Variants in CYP4F22 observed in about 807,000 individuals in gnomAD.
CYP4F22 encodes cytochrome P450 family 4 subfamily F member 22.
Under a neutral mutation model 60.4 loss-of-function variants are expected in CYP4F22, and 37 were observed. The ratio of observed to expected loss-of-function variants is 0.61; its 90% CI spans 0.47 to 0.81. The LOEUF (loss-of-function observed/expected upper bound fraction) is 0.81. Among genes scored for constraint, CYP4F22 ranks in the 30% least tolerant of loss-of-function variants. The pLI, the probability that CYP4F22 is intolerant of heterozygous loss-of-function variation, is 0.00. For missense variants in CYP4F22, 655 were observed against 715.0 expected (o/e 0.92, Z 0.96); for synonymous variants, 258 against 280.5 (o/e 0.92, Z 0.80).
chr19:15,508,627 G>A (rs903784266), intron 1 of CYP4F22, 44 bp downstream of exon 1: 3 of 150,996 alleles, frequency 2.0e-5, no homozygotes, highest in Admixed American at 6.6e-5. Flanking sequence ...GCGCGGCCGC[G>A]GCGCTGCGCT....
At position 15,546,245 on chromosome 19, in the gene CYP4F22, G is replaced by A. The variant is rs543436336; in HGVS notation, c.1137-1863G>A. ...CTTACTTTGGCCTCCCAAAGTGCTG[G>A]GATTATAGGTGTGAGCCACTGTGCC... On this transcript the variant is annotated intron_variant, in intron 10 of 13. Transcript: ENST00000269703. Among the ~76,000 whole-genome samples, 7 of 152,186 alleles carry A rather than the reference G, an allele frequency of 4.6e-5. No individual in the cohort carries two copies. In the South Asian group the frequency reaches 1.5e-3, roughly 32 times the overall value.
In CYP4F22 at chr19:15,537,534, G is replaced by A; in HGVS notation, c.422-1G>A. The A allele has an allele frequency of 6.2e-7, 1 of 1,614,150 alleles. No homozygotes were observed. The highest frequency in any genetic ancestry group is 8.5e-7 in the Non-Finnish European group (1 of 1,180,040). On this transcript the variant is annotated splice_acceptor_variant, in intron 5 of 13. Coordinates refer to ENST00000269703, the MANE Select transcript of CYP4F22 (RefSeq NM_173483.4). LOFTEE classifies it high-confidence loss of function. ...CCCTAACCTCAGTCTTCTGGGCCCAGGGGATGGGCTGCTGCTCAGCAAAGG... is the reference window on the plus strand; with the variant it reads ...CCCTAACCTCAGTCTTCTGGGCCCAAGGGATGGGCTGCTGCTCAGCAAAGG...
At chr19:15,538,206 T>C (rs1290492059) in intron 7 of CYP4F22, among the ~76,000 whole-genome samples, 1 of 152,086 alleles carries the variant, frequency 6.6e-6, no homozygotes, top group Non-Finnish European at 1.5e-5. Context: ...CCCATAGTCA[T>C]TGTGTGAGAA....
chr19:15,548,400 CAGTTGTGTGTGCAGGG>C (rs1230475747), intron 11 of CYP4F22, among the ~76,000 whole-genome samples, 159 bp downstream of exon 11: 11 of 152,060 alleles, frequency 7.2e-5, no homozygotes, highest in Non-Finnish European at 1.3e-4. Context: ...GGAGAAAACC[CAGTTGTGTGTGCAGGG>C]AGATAGAGCC....
intron 8 of CYP4F22, among the ~76,000 whole-genome samples, chr19:15,542,613 CAT>C (rs1971476834): frequency 6.6e-6 from 1 of 152,108 alleles, no homozygotes; most frequent in Non-Finnish European, 1.5e-5. Flanking sequence ...CGTAGGTAAA[CAT>C]GTGCCATGGT....
At chr19:15,523,650 A>G (rs997081333) in intron 1 of CYP4F22, 43 bp from the exon 2 acceptor site, 3 of 152,198 alleles carry the variant, frequency 2.0e-5, no homozygotes, top group East Asian at 1.9e-4. Flanking sequence ...TCACTGTTTT[A>G]TTAACATTAT....
chr19:15,517,374 C>T (rs1488827078), intron 1 of CYP4F22, among the ~76,000 whole-genome samples: 1 of 152,194 alleles, frequency 6.6e-6, no homozygotes, highest in African/African-American at 2.4e-5. Flanking sequence ...GTGGTCCTGC[C>T]TGGGGGCAGA....
chr19:15,518,565 T>C (rs1971182247), intron 1 of CYP4F22, among the ~76,000 whole-genome samples: 1 of 139,056 alleles, frequency 7.2e-6, no homozygotes, highest in South Asian at 2.2e-4. Context: ...AGGAGAATAG[T>C]GTGAACCCGG....
Position 15,529,805 on chromosome 19 carries a change from T to C in CYP4F22, c.319T>C (p.Leu107=). The change falls in exon 4 of 14, where the codon TTG becomes CTG. Residue 107 remains leucine (L), a synonymous_variant. Coordinates refer to ENST00000269703, the MANE Select transcript of CYP4F22 (RefSeq NM_173483.4). ...ATGGATGGGACCTGTCCTGCCGCTG[T>C]TGGTTCTGGTGCACCCTGATTACAT... ...LVWMGPVLPL[L]VLVHPDYIKP... 1 of 1,614,202 alleles carries C rather than the reference T, an allele frequency of 6.2e-7. No individual in the cohort carries two copies.
At chr19:15,513,703 G>T (rs1233172237) in intron 1 of CYP4F22, among the ~76,000 whole-genome samples, 1 of 151,938 alleles carries the variant, frequency 6.6e-6, no homozygotes, top group East Asian at 1.9e-4. Context: ...GTTTCACCGT[G>T]TTGTCCAGGC....
At chr19:15,513,057 C>T (rs1420508258) in intron 1 of CYP4F22, among the ~76,000 whole-genome samples, 4 of 151,966 alleles carry the variant, frequency 2.6e-5, no homozygotes, top group African/African-American at 4.8e-5. Flanking sequence ...AAGTTTTACT[C>T]GCATTCCATG....
intron 1 of CYP4F22, among the ~76,000 whole-genome samples, chr19:15,522,147 GAAAA>G (rs5827288): frequency 6.0e-5 from 5 of 82,858 alleles, no homozygotes; most frequent in African/African-American, 2.4e-4. Context: ...CTTTGTCTCA[GAAAA>G]AAAAAAAAAA....
intron 1 of CYP4F22, among the ~76,000 whole-genome samples, chr19:15,512,271 T>C (rs1971101169): frequency 6.6e-6 from 1 of 152,124 alleles, no homozygotes; most frequent in South Asian, 2.1e-4. Flanking sequence ...ACCTAGGGAA[T>C]AGGAGAGCTG....
intron 12 of CYP4F22, 66 bp downstream of exon 12, chr19:15,549,268 C>T (rs554423750): frequency 3.0e-5 from 47 of 1,558,168 alleles, no homozygotes; most frequent in Non-Finnish European, 3.4e-5. Flanking sequence ...AGGGAGCCAG[C>T]GAGCAGGGCT....
intron 5 of CYP4F22, 54 bp downstream of exon 5, chr19:15,537,468 G>A: frequency 6.2e-7 from 1 of 1,614,180 alleles, no homozygotes; most frequent in Non-Finnish European, 8.5e-7. Flanking sequence ...AGAGGGAAGA[G>A]CATGGGGTTC....
intron 10 of CYP4F22, among the ~76,000 whole-genome samples, chr19:15,544,980 G>A (rs1408997641): frequency 1.3e-5 from 2 of 152,152 alleles, no homozygotes; most frequent in African/African-American, 4.8e-5. Flanking sequence ...AGAATCACTT[G>A]AACCTGGGAG....
intron 4 of CYP4F22, among the ~76,000 whole-genome samples, chr19:15,532,296 TCTA>T (rs942281743): frequency 6.7e-6 from 1 of 149,122 alleles, no homozygotes; most frequent in African/African-American, 2.5e-5. Context: ...TCCTCCTCCT[TCTA>T]CTTCTTTCTT....
chr19:15,540,311 A>G lies in CYP4F22; in HGVS notation c.672-139A>G, dbSNP rs1971442401. ...AGACCCTATCTAAAAAAATAAATAA[A>G]TGAATTTAAAAATAGAGTTAATATA... On this transcript the variant is annotated intron_variant, in intron 7 of 13. Coordinates refer to ENST00000269703, the MANE Select transcript of CYP4F22 (RefSeq NM_173483.4). 8 of 1,050,588 alleles carry G rather than the reference A, an allele frequency of 7.6e-6. No homozygotes were observed. The East Asian group carries it at 1.8e-4, about 24-fold the overall frequency. The allele number at this position is 1,050,588 out of a possible 1,614,324, so 65.1% of individuals were successfully genotyped here. A position where few individuals can be genotyped will look rare whatever the true frequency, so the allele number is the denominator to read the frequency against.
At chr19:15,535,478 G>A (rs1971385125) in intron 4 of CYP4F22, among the ~76,000 whole-genome samples, 1 of 152,192 alleles carries the variant, frequency 6.6e-6, no homozygotes, top group African/African-American at 2.4e-5. Context: ...GATATCACTC[G>A]AATTTCAGAT....
Sources: allele counts gnomAD v4.1 joint callset (sites outside exome capture counted in the v4.1 genomes callset), GRCh38; gene constraint gnomAD v4.1.1; transcripts MANE v1.5; gene names NCBI Gene and HGNC (gene_info 2026-07-23, HGNC 2026-07-21).